RBFOX1: variants seen among roughly 807,000 people sequenced by gnomAD.
The protein encoded by RBFOX1 is RNA binding protein fox-1 homolog 1.
Under a neutral mutation model 57.7 loss-of-function variants are expected in RBFOX1, and 8 were observed. The observed-to-expected ratio is 0.14, with a 90% CI of 0.08 to 0.25. RBFOX1 has a LOEUF of 0.25. Ranked by LOEUF, RBFOX1 falls within the 10% of genes least tolerant of loss-of-function variation. The probability of loss-of-function intolerance (pLI) is 1.00; values close to 1 mark genes in which losing one functional copy is unlikely to be tolerated. For synonymous variants in RBFOX1, 326 were observed against 222.4 expected (o/e 1.47, Z -4.15); for missense variants, 611 against 548.5 (o/e 1.11, Z -1.14).
chr16:5,653,627 G>A (rs2049324574), intron 3 of RBFOX1, among the ~76,000 whole-genome samples: 1 of 152,202 alleles, frequency 6.6e-6, no homozygotes, highest in South Asian at 2.1e-4. Flanking sequence ...CAGACCAGAA[G>A]CCTGTTCTGC....
chr16:5,765,119 A>T (rs1277965561), intron 3 of RBFOX1, among the ~76,000 whole-genome samples: 1 of 152,146 alleles, frequency 6.6e-6, no homozygotes, highest in Non-Finnish European at 1.5e-5. Flanking sequence ...TCTTCTAATT[A>T]TTGGGAAGCC....
At chr16:7,563,769 ATTATATATTT>A (rs1446632030) in intron 5 of RBFOX1, among the ~76,000 whole-genome samples, 3 of 151,954 alleles carry the variant, frequency 2.0e-5, no homozygotes, top group Non-Finnish European at 4.4e-5. Flanking sequence ...CACCCACTCT[ATTATATATTT>A]TAACTACCTA....
chr16:7,378,411 G>A (rs1024954216), intron 4 of RBFOX1, among the ~76,000 whole-genome samples: 2 of 152,112 alleles, frequency 1.3e-5, no homozygotes, highest in African/African-American at 4.8e-5. Flanking sequence ...TGACAAGGAC[G>A]AGGTGCAACA....
At chr16:5,964,413 TAAA>T (rs1382654686) in intron 4 of RBFOX1, among the ~76,000 whole-genome samples, 1 of 152,084 alleles carries the variant, frequency 6.6e-6, no homozygotes, top group African/African-American at 2.4e-5. Flanking sequence ...CCAAAGGAAA[TAAA>T]GAGAGGACTG....
At chr16:5,435,379 G>C (rs1027102134) in intron 1 of RBFOX1, among the ~76,000 whole-genome samples, 2 of 152,138 alleles carry the variant, frequency 1.3e-5, no homozygotes, top group Admixed American at 1.3e-4. Flanking sequence ...TCATCTGTGA[G>C]GCTTTGCTTT....
At chr16:7,561,927 C>T (rs753747621) in intron 5 of RBFOX1, among the ~76,000 whole-genome samples, 35 of 151,756 alleles carry the variant, frequency 2.3e-4, no homozygotes, top group Non-Finnish European at 2.5e-4. Context: ...GTACCAAATA[C>T]GAACTTTTGT....
chr16:6,238,698 T>C (rs941829112), intron 1 of RBFOX1, among the ~76,000 whole-genome samples: 3 of 152,168 alleles, frequency 2.0e-5, no homozygotes, highest in Non-Finnish European at 4.4e-5. Context: ...TATTCTCTGG[T>C]TTTTATTGTT....
chr16:5,658,136 C>T (rs2049515519), intron 3 of RBFOX1, among the ~76,000 whole-genome samples: 1 of 152,102 alleles, frequency 6.6e-6, no homozygotes, highest in Admixed American at 6.6e-5. Flanking sequence ...CAAAGCAATG[C>T]CAGGATTGAT....
chr16:5,783,043 C>G (rs1307958784), intron 3 of RBFOX1, among the ~76,000 whole-genome samples: 1 of 152,116 alleles, frequency 6.6e-6, no homozygotes, highest in Non-Finnish European at 1.5e-5. Flanking sequence ...ATGGACACAC[C>G]CAGAAGTAAT....
chr16:6,564,492 A>G (rs1399336303), intron 2 of RBFOX1, among the ~76,000 whole-genome samples: 1 of 152,072 alleles, frequency 6.6e-6, no homozygotes, highest in Non-Finnish European at 1.5e-5. Flanking sequence ...AAATAAACAA[A>G]CAAACACATG....
chr16:7,229,591 G>GAGGAAGGA (rs367952346), intron 4 of RBFOX1, among the ~76,000 whole-genome samples: 3,159 of 129,490 alleles, frequency 0.024, 240 homozygotes, highest in African/African-American at 0.11. Flanking sequence ...AAGGGAGAGA[G>GAGGAAGGA]AGGAAGGAAG....
chr16:6,957,259 G>T (rs896062843), intron 3 of RBFOX1, among the ~76,000 whole-genome samples: 2 of 151,750 alleles, frequency 1.3e-5, no homozygotes, highest in African/African-American at 4.8e-5. Context: ...AGCCTCCCGA[G>T]TAGCTGGGAC....
intron 5 of RBFOX1, among the ~76,000 whole-genome samples, chr16:7,546,339 AAAATAAAATAAAATAAAATAAAAT>A (rs1194506321): frequency 4.4e-4 from 1 of 2,274 alleles, no homozygotes; most frequent in African/African-American, 7.2e-4. Context: ...AAAATAAAAT[AAAATAAAATAAAATAAAATAAAAT>A]AAAATAAAAT....
chr16:5,439,650 T>C (rs1272335767), intron 1 of RBFOX1, among the ~76,000 whole-genome samples: 1 of 152,086 alleles, frequency 6.6e-6, no homozygotes, highest in Non-Finnish European at 1.5e-5. Flanking sequence ...TTTAATGAGA[T>C]GAGAAAGACG....
intron 5 of RBFOX1, among the ~76,000 whole-genome samples, chr16:7,548,308 C>A (rs903616154): frequency 6.6e-6 from 1 of 152,092 alleles, no homozygotes; most frequent in Non-Finnish European, 1.5e-5. Context: ...AGGTGCCTGC[C>A]ACTATGTCCG....
intron 2 of RBFOX1, among the ~76,000 whole-genome samples, chr16:6,628,095 G>T (rs2098334227): frequency 6.6e-6 from 1 of 152,162 alleles, no homozygotes; most frequent in African/African-American, 2.4e-5. Context: ...CTCTGTTCAG[G>T]AGGCAAAGTT....
chr16:7,583,749 G>C (rs2093948158), intron 6 of RBFOX1, among the ~76,000 whole-genome samples: 1 of 152,114 alleles, frequency 6.6e-6, no homozygotes, highest in South Asian at 2.1e-4. Context: ...GGGAGGCCGA[G>C]GTGGGAGGGT....
chr16:7,465,069 T>C (rs1043483178), intron 4 of RBFOX1, among the ~76,000 whole-genome samples: 12 of 152,114 alleles, frequency 7.9e-5, no homozygotes, highest in African/African-American at 2.9e-4. Flanking sequence ...GCACGCCTCC[T>C]GCTGTCTCTT....
chr16:5,738,896 A>G (rs962277702), intron 3 of RBFOX1, among the ~76,000 whole-genome samples: 1 of 152,186 alleles, frequency 6.6e-6, no homozygotes, highest in Non-Finnish European at 1.5e-5. Context: ...GATGCAAACA[A>G]CCAGGGAAGA....
Sources: gnomAD v4.1 joint callset for allele counts (sites outside exome capture counted in the v4.1 genomes callset) on GRCh38, gnomAD v4.1.1 for gene constraint, MANE v1.5 for transcripts, NCBI Gene and HGNC (gene_info 2026-07-23, HGNC 2026-07-21) for gene names.